The following PTPRM variants were observed in gnomAD, a reference collection of about 807,000 sequenced individuals.
PTPRM encodes protein tyrosine phosphatase receptor type M.
In PTPRM, 47 loss-of-function variants were observed where a neutral mutation model predicts 186.7. The observed-to-expected ratio is 0.25, with a 90% CI of 0.20 to 0.32. PTPRM has a LOEUF of 0.32. Among genes scored for constraint, PTPRM ranks in the 10% least tolerant of loss-of-function variants. The pLI is 1.00. For missense variants in PTPRM, 1,494 were observed against 1,865.0 expected (o/e 0.80, Z 3.66); for synonymous variants, 668 against 674.9 (o/e 0.99, Z 0.16).
chr18:7,981,455 T>A (rs1466612561), intron 7 of PTPRM, among the ~76,000 whole-genome samples: 1 of 152,132 alleles, frequency 6.6e-6, no homozygotes, highest in Non-Finnish European at 1.5e-5. Context: ...ATCATTATCT[T>A]TTCCTCCATG....
chr18:7,848,129 C>T (rs976918956), intron 2 of PTPRM, among the ~76,000 whole-genome samples: 1 of 152,204 alleles, frequency 6.6e-6, no homozygotes, highest in Admixed American at 6.5e-5. Flanking sequence ...GGGTTGGTCT[C>T]CCCCTTCACT....
At chr18:7,906,617 ATCATTGGGGGCATGTT>A in intron 4 of PTPRM, 34 bp downstream of exon 4, 1 of 1,471,374 alleles carries the variant, frequency 6.8e-7, no homozygotes, top group Non-Finnish European at 9.5e-7. Flanking sequence ...ATTCGGGTAC[ATCATTGGGGGCATGTT>A]TACATTATGA....
At chr18:7,931,819 ATAT>A (rs1364458251) in intron 5 of PTPRM, among the ~76,000 whole-genome samples, 1 of 152,128 alleles carries the variant, frequency 6.6e-6, no homozygotes, top group African/African-American at 2.4e-5. Flanking sequence ...AGTATTCCAA[ATAT>A]TATTTGCCTA....
At chr18:7,838,355 GGGATTATGGGAACTACGATTCAAGATGA>G (rs2046157564) in intron 2 of PTPRM, among the ~76,000 whole-genome samples, 1 of 152,178 alleles carries the variant, frequency 6.6e-6, no homozygotes, top group African/African-American at 2.4e-5. Flanking sequence ...ACGACATGTG[GGGATTATGGGAACTACGATTCAAGATGA>G]GATTTGGGTG....
At position 7,993,779 on chromosome 18, in the gene PTPRM, A is replaced by G. The variant is rs530923481; in HGVS notation, c.1132+38365A>G. Among the ~76,000 whole-genome samples the G allele has an allele frequency of 2.0e-5, 3 of 152,284 alleles. No individual in the cohort carries two copies. The South Asian group carries it at 6.2e-4, about 32-fold the overall frequency. On this transcript the variant is annotated intron_variant, in intron 7 of 32. Coordinates refer to ENST00000580170, the MANE Select transcript of PTPRM (RefSeq NM_001105244.2). ...ATGTTCTCCATCACCGTGAAAACAC[A>G]CTAAAATATATAACTTATTGAAAGA...
At chr18:7,846,257 T>A (rs1217182436) in intron 2 of PTPRM, among the ~76,000 whole-genome samples, 1 of 152,194 alleles carries the variant, frequency 6.6e-6, no homozygotes, top group Non-Finnish European at 1.5e-5. Flanking sequence ...TATTTGTATG[T>A]GATGGTGCTA....
intron 7 of PTPRM, among the ~76,000 whole-genome samples, chr18:8,063,021 T>G (rs371168735): frequency 0.021 from 2,981 of 142,320 alleles, 13 homozygotes; most frequent in South Asian, 0.038. Context: ...GTTTACCTAA[T>G]CAAGCCTGGG....
chr18:8,390,218 A>G (rs941305420), intron 31 of PTPRM, among the ~76,000 whole-genome samples: 1 of 152,226 alleles, frequency 6.6e-6, no homozygotes, highest in Non-Finnish European at 1.5e-5. Flanking sequence ...GCAGCACTGC[A>G]GTGGGTGGGG....
At chr18:7,615,816 A>G (rs1439993740) in intron 1 of PTPRM, among the ~76,000 whole-genome samples, 2 of 152,218 alleles carry the variant, frequency 1.3e-5, no homozygotes, top group Non-Finnish European at 2.9e-5. Flanking sequence ...ACCATAATGC[A>G]GAATCAGTGG....
chr18:8,186,201 C>A (rs1395766344), intron 14 of PTPRM, among the ~76,000 whole-genome samples: 2 of 151,886 alleles, frequency 1.3e-5, no homozygotes, highest in Admixed American at 1.3e-4. Flanking sequence ...TGGCGGGCAC[C>A]TGTAGTCCCA....
chr18:8,227,139 G>C (rs182797216), intron 14 of PTPRM, among the ~76,000 whole-genome samples: 1 of 152,162 alleles, frequency 6.6e-6, no homozygotes. Context: ...GACTTTTGTC[G>C]TTACTTTTAA....
Position 8,336,707 on chromosome 18 carries a change from G to A in PTPRM, c.2957-6716G>A, listed in dbSNP as rs893505357. 1.4e-3 allele frequency among the ~76,000 whole-genome samples: 211 copies of A among 151,872 alleles called. 2 individuals are homozygous for A. The highest frequency in any genetic ancestry group is 1.9e-3 in the Non-Finnish European group (127 of 67,910). ...GGAAGAGAGGGGAAGGAAAGGGAAA[G>A]GTAGGGTCACACCTGTAATTTCAGC... On this transcript the variant is annotated intron_variant, in intron 22 of 32. Transcript: ENST00000580170.
At chr18:8,294,453 G>A (rs915215604) in intron 19 of PTPRM, among the ~76,000 whole-genome samples, 4 of 151,976 alleles carry the variant, frequency 2.6e-5, no homozygotes, top group African/African-American at 4.8e-5. Flanking sequence ...CTTATAAAAC[G>A]ATCAAATCTC....
chr18:8,113,894 T>G (rs2091856136), intron 12 of PTPRM, 135 bp downstream of exon 12: 1 of 985,682 alleles, frequency 1.0e-6, no homozygotes, highest in African/African-American at 1.7e-5. Context: ...TTTTCTTCTC[T>G]TAAAATTATT....
At chr18:7,923,680 GA>G (rs1023888835) in intron 4 of PTPRM, among the ~76,000 whole-genome samples, 28 of 152,306 alleles carry the variant, frequency 1.8e-4, no homozygotes, top group Admixed American at 1.4e-3. Flanking sequence ...CAGGCTTTTT[GA>G]TGGTAATGGC....
chr18:7,701,032 G>T (rs2039953130), intron 1 of PTPRM, among the ~76,000 whole-genome samples: 1 of 150,062 alleles, frequency 6.7e-6, no homozygotes, highest in African/African-American at 2.5e-5. Flanking sequence ...AAAGCCATGT[G>T]CGGTGGCTCA....
chr18:8,406,326 C>A lies in PTPRM; in HGVS notation c.*164C>A. The stretch of plus-strand genomic sequence containing the variant: ...AGTGTTTCTAAAATTGCTTGCACTG[C>A]CCAATCCCAGTAATGCTGCTGCCTG... On this transcript the variant is annotated 3_prime_UTR_variant, in exon 33 of 33. Transcript: ENST00000580170. 1.6e-6 allele frequency: 1 copy of A among 640,144 alleles called. No individual in the cohort carries two copies. The highest frequency in any genetic ancestry group is 2.7e-6 in the Non-Finnish European group (1 of 373,348). 39.7% of individuals were successfully genotyped at this position (640,144 alleles called of 1,614,324 possible). A position where few individuals can be genotyped will look rare whatever the true frequency, so the allele number is the denominator to read the frequency against.
At chr18:7,579,231 T>A (rs774963541) in intron 1 of PTPRM, among the ~76,000 whole-genome samples, 1 of 152,186 alleles carries the variant, frequency 6.6e-6, no homozygotes, top group African/African-American at 2.4e-5. Context: ...GATACCTGCA[T>A]TACAGTCACC....
chr18:8,331,367 C>T (rs58102861), intron 22 of PTPRM, among the ~76,000 whole-genome samples: 19,257 of 152,166 alleles, frequency 0.13, 1,664 homozygotes, highest in African/African-American at 0.25. Context: ...ACAATCAGAT[C>T]TCTTCAACTT....
Sources: allele counts gnomAD v4.1 joint callset (sites outside exome capture counted in the v4.1 genomes callset), GRCh38; gene constraint gnomAD v4.1.1; transcripts MANE v1.5; gene names NCBI Gene and HGNC (gene_info 2026-07-23, HGNC 2026-07-21).